TRIM58: variants seen among roughly 807,000 people sequenced by gnomAD.
The protein encoded by TRIM58 is tripartite motif containing 58, also known as E3 ubiquitin-protein ligase TRIM58.
A neutral mutation model predicts 34.1 loss-of-function variants in TRIM58; 38 were observed. That is an observed-to-expected ratio of 1.12 (90% CI 0.86 to 1.46). The LOEUF (loss-of-function observed/expected upper bound fraction) is 1.46, where lower values mean the gene tolerates loss of function less well. Among genes scored for constraint, TRIM58 ranks in the 40% most tolerant of loss-of-function variants. The pLI is 0.00. For missense variants in TRIM58, 677 were observed against 642.0 expected (o/e 1.05, Z -0.59); for synonymous variants, 273 against 275.7 (o/e 0.99, Z 0.10).
In TRIM58 at chr1:247,877,941, A is replaced by C. The variant is rs1475770521; in HGVS notation, c.*1452A>C. 2 of 152,104 alleles carry C rather than the reference A, an allele frequency of 1.3e-5. No homozygotes were observed. Among genetic ancestry groups the C allele is most frequent in the Non-Finnish European group, 2.9e-5 (2 of 68,040 alleles). The allele number at this position is 152,104 out of a possible 1,614,324, so 9.4% of individuals were successfully genotyped here. A position where few individuals can be genotyped will look rare whatever the true frequency, so the allele number is the denominator to read the frequency against. ...TTTGGGAGGCCGAGGTGGGCAGATC[A>C]CGAGGTCAGGAGATTGAGACCATCC... On this transcript the variant is annotated 3_prime_UTR_variant, in exon 6 of 6. Transcript: ENST00000366481.
chr1:247,860,472 A>G, intron 1 of TRIM58, 145 bp from the exon 2 acceptor site: 1 of 586,760 alleles, frequency 1.7e-6, no homozygotes, highest in Non-Finnish European at 3.0e-6. Flanking sequence ...ACTTAAGTAC[A>G]TTTATGTTTA....
At chr1:247,875,811 G>C in intron 5 of TRIM58, 89 bp from the exon 6 acceptor site, 1 of 1,112,524 alleles carries the variant, frequency 9.0e-7, no homozygotes, top group Non-Finnish European at 1.3e-6. Context: ...GAAAAGTGAG[G>C]AACTGTGGGA....
At chr1:247,864,601 G>A (rs2103325478) in intron 2 of TRIM58, 104 bp from the exon 3 acceptor site, 8 of 1,240,494 alleles carry the variant, frequency 6.4e-6, no homozygotes, top group Non-Finnish European at 9.0e-6. Context: ...AGTCCACAGA[G>A]TTACGGAGCC....
chr1:247,858,732 A>G (rs1663698885), intron 1 of TRIM58, among the ~76,000 whole-genome samples: 1 of 150,540 alleles, frequency 6.6e-6, no homozygotes, highest in African/African-American at 2.4e-5. Flanking sequence ...AAAAAAGTCC[A>G]GAAAGAGGAT....
At chr1:247,872,921 C>T (rs1659177022) in intron 5 of TRIM58, among the ~76,000 whole-genome samples, 1 of 152,130 alleles carries the variant, frequency 6.6e-6, no homozygotes, top group Admixed American at 6.5e-5. Flanking sequence ...TTGAGAGATA[C>T]AGAAAAATCA....
At chr1:247,861,956 T>C (rs1663803056) in intron 2 of TRIM58, among the ~76,000 whole-genome samples, 1 of 151,720 alleles carries the variant, frequency 6.6e-6, no homozygotes, top group South Asian at 2.1e-4. Context: ...AAACCCCGTC[T>C]CTACTAAAAA....
intron 3 of TRIM58, among the ~76,000 whole-genome samples, chr1:247,865,947 T>G (rs1049062356): frequency 6.6e-6 from 1 of 152,180 alleles, no homozygotes; most frequent in East Asian, 1.9e-4. Context: ...ATTAACTGTC[T>G]GTATAATATT....
In TRIM58 at chr1:247,857,813, G is replaced by A. The variant is rs555966810; in HGVS notation, c.420+147G>A. The A allele has an allele frequency of 5.3e-6, 6 of 1,135,916 alleles. No individual in the cohort carries two copies. In the East Asian group the frequency reaches 1.1e-4, roughly 21 times the overall value. The allele number at this position is 1,135,916 out of a possible 1,614,324, so 70.4% of individuals were successfully genotyped here. On this transcript the variant is annotated intron_variant, in intron 1 of 5. Transcript: ENST00000366481. Reference sequence around the variant, plus strand: ...GCGCGCCGTCCCCCCCGCCCACGCGGCTCACTCAGTGTGGGTCTCTTTGCC... The same window carrying A: ...GCGCGCCGTCCCCCCCGCCCACGCGACTCACTCAGTGTGGGTCTCTTTGCC...
In TRIM58 at chr1:247,876,169, G is replaced by T; in HGVS notation, c.1141G>T (p.Val381Phe). The T allele has an allele frequency of 6.2e-7, 1 of 1,614,188 alleles. No homozygotes were observed. Residue 381 changes from valine to phenylalanine, a missense_variant, in exon 6 of 6, where the codon GTC becomes TTC. Physicochemically the swap from Val to Phe is conservative, Grantham distance 50. Coordinates refer to ENST00000366481, the MANE Select transcript of TRIM58 (RefSeq NM_015431.4). Reference protein sequence around the residue: ...GETTPSPENGVWALWLLKGNE... With the variant: ...GETTPSPENGFWALWLLKGNE... ...AACCACGCCATCTCCTGAGAATGGG[G>T]TCTGGGCCCTGTGGCTGCTGAAAGG...
chr1:247,872,831 T>C (rs1321196475), intron 5 of TRIM58, among the ~76,000 whole-genome samples: 1 of 152,024 alleles, frequency 6.6e-6, no homozygotes, highest in Non-Finnish European at 1.5e-5. Flanking sequence ...CAAGGAGTAG[T>C]GAGCAGTGAG....
At position 247,858,105 on chromosome 1, in the gene TRIM58, T is replaced by C. The variant is rs141918060; in HGVS notation, c.420+439T>C. On this transcript the variant is annotated intron_variant, in intron 1 of 5. Coordinates refer to ENST00000366481, the MANE Select transcript of TRIM58 (RefSeq NM_015431.4). ...CACAGTGTTTACATTAAATGAGTGT[T>C]GTCAGCAAAGCAACCCTCGGGTTTG... is the stretch of plus-strand genomic sequence containing the variant. 2.4e-3 allele frequency among the ~76,000 whole-genome samples: 372 copies of C among 152,328 alleles called. 3 individuals are homozygous for C. Among genetic ancestry groups the C allele is most frequent in the African/African-American group, 8.3e-3 (345 of 41,572 alleles).
In TRIM58 at chr1:247,876,300, C is replaced by G. The variant is rs1435228444; in HGVS notation, c.1272C>G (p.Phe424Leu). The change falls in exon 6 of 6, where the codon TTC (phenylalanine) becomes TTG (leucine). Residue 424 changes from phenylalanine to leucine, a missense_variant. Phe to Leu is a conservative substitution (Grantham distance 22). Transcript: ENST00000366481. ...ACTATGAAGCCGGTGAAATTTCATTCTACAATGTCACAGATGGATCTTATA... is the reference window on the plus strand; with the variant it reads ...ACTATGAAGCCGGTGAAATTTCATTGTACAATGTCACAGATGGATCTTATA... ...FLDYEAGEIS[F>L]YNVTDGSYIY... 13 of 1,613,956 alleles carry G rather than the reference C, an allele frequency of 8.1e-6. No individual in the cohort carries two copies. Among genetic ancestry groups the G allele is most frequent in the African/African-American group, 1.3e-5 (1 of 74,870 alleles).
At chr1:247,872,726 G>T (rs2103333828) in intron 5 of TRIM58, among the ~76,000 whole-genome samples, 1 of 152,302 alleles carries the variant, frequency 6.6e-6, no homozygotes, top group African/African-American at 2.4e-5. Context: ...CGGGTAGATA[G>T]GGAGTGAGGT....
chr1:247,861,143 C>T (rs753727293), intron 2 of TRIM58, among the ~76,000 whole-genome samples: 16 of 151,894 alleles, frequency 1.1e-4, no homozygotes, highest in Admixed American at 2.0e-4. Context: ...CCTTTTTTTT[C>T]TATCATCTAT....
intron 5 of TRIM58, among the ~76,000 whole-genome samples, chr1:247,873,244 A>T (rs1335383436): frequency 1.3e-5 from 2 of 151,898 alleles, no homozygotes; most frequent in African/African-American, 4.8e-5. Context: ...AAAAAGACAA[A>T]CTGACAAGTA....
In TRIM58 at chr1:247,877,642, A is replaced by G. The variant is rs1291721126; in HGVS notation, c.*1153A>G. The G allele has an allele frequency of 1.3e-5, 2 of 152,136 alleles. No homozygotes were observed. The highest frequency in any genetic ancestry group is 2.4e-5 in the African/African-American group (1 of 41,420). 9.4% of individuals were successfully genotyped at this position (152,136 alleles called of 1,614,324 possible). A position where few individuals can be genotyped will look rare whatever the true frequency, so the allele number is the denominator to read the frequency against. Reference sequence around the variant, plus strand: ...TAGCTGCTTGTTATGGTTCCTATACATGGAACAATTATACTGGCCTCACTG... The same window carrying G: ...TAGCTGCTTGTTATGGTTCCTATACGTGGAACAATTATACTGGCCTCACTG... On this transcript the variant is annotated 3_prime_UTR_variant, in exon 6 of 6. Coordinates refer to ENST00000366481, the MANE Select transcript of TRIM58 (RefSeq NM_015431.4).
At chr1:247,862,845 T>C (rs916828050) in intron 2 of TRIM58, among the ~76,000 whole-genome samples, 3 of 152,170 alleles carry the variant, frequency 2.0e-5, no homozygotes, top group East Asian at 3.9e-4. Flanking sequence ...TTTTTCTCTG[T>C]CTGCAGATAT....
chr1:247,870,275 A>G (rs989312819), intron 5 of TRIM58, among the ~76,000 whole-genome samples: 1 of 151,696 alleles, frequency 6.6e-6, no homozygotes, highest in African/African-American at 2.4e-5. Context: ...ATGCCCAGAA[A>G]AATTAGGATT....
intron 5 of TRIM58, 106 bp downstream of exon 5, chr1:247,868,169 G>A (rs1271204936): frequency 1.6e-5 from 15 of 938,654 alleles, no homozygotes; most frequent in African/African-American, 3.3e-5. Context: ...GGTTTGCCTC[G>A]TATTGTGGTT....
Sources: gnomAD v4.1 joint callset for allele counts (sites outside exome capture counted in the v4.1 genomes callset) on GRCh38, gnomAD v4.1.1 for gene constraint, MANE v1.5 for transcripts, NCBI Gene and HGNC (gene_info 2026-07-23, HGNC 2026-07-21) for gene names.